Variants in VWA1 observed in about 807,000 individuals in gnomAD.
VWA1 encodes von Willebrand factor A domain-containing protein 1.
In VWA1, 12 loss-of-function variants were observed where a neutral mutation model predicts 14.9. The observed-to-expected ratio is 0.80, with a 90% CI of 0.52 to 1.30. VWA1 has a LOEUF of 1.30. Among genes scored for constraint, VWA1 ranks in the 50% most tolerant of loss-of-function variants. The pLI is 0.00. For missense variants in VWA1, 800 were observed against 649.1 expected (o/e 1.23, Z -2.53); for synonymous variants, 368 against 310.7 (o/e 1.18, Z -1.94).
Position 1,439,372 on chromosome 1 carries a change from CG to C in VWA1, c.928del (p.Ala310LeufsTer41), listed in dbSNP as rs1557770332. On this transcript the variant is annotated frameshift_variant, in exon 3 of 3. Coordinates refer to ENST00000476993, the MANE Select transcript of VWA1 (RefSeq NM_022834.5). LOFTEE classifies it low-confidence loss of function (END_TRUNC). Reference sequence around the variant, plus strand: ...CGCACGCGGCCCGGTGAGGCAGGGCCGGGGGCTTCGGGCCCGGAGTCGGGGG... The same window carrying C: ...CGCACGCGGCCCGGTGAGGCAGGGCCGGGGCTTCGGGCCCGGAGTCGGGGG... ...RVRTRPGEAG[P>X]GASGPESGAG... The C allele has an allele frequency of 2.7e-6, 4 of 1,507,738 alleles. No homozygotes were observed. The highest frequency in any genetic ancestry group is 2.1e-5 in the Admixed American group (1 of 47,138). 93.4% of individuals were successfully genotyped at this position (1,507,738 alleles called of 1,614,324 possible).
In VWA1 at chr1:1,437,491, G is replaced by C. The variant is rs758946803; in HGVS notation, c.631+7G>C. The C allele has an allele frequency of 6.3e-7, 1 of 1,594,548 alleles. No individual in the cohort carries two copies. Among genetic ancestry groups the C allele is most frequent in the Non-Finnish European group, 8.6e-7 (1 of 1,167,592 alleles). ...CTGAGGGGCTCCATTCTCGGTATGC[G>C]GGAGGAGGCAGGGCCCAGGGAGCCC... On this transcript the variant is annotated splice_region_variant and intron_variant, in intron 2 of 2. Coordinates refer to ENST00000476993, the MANE Select transcript of VWA1 (RefSeq NM_022834.5).
intron 1 of VWA1, among the ~76,000 whole-genome samples, chr1:1,436,281 G>T (rs1167240622): frequency 2.0e-5 from 3 of 152,178 alleles, no homozygotes; most frequent in Non-Finnish European, 4.4e-5. Flanking sequence ...CCTCCACCCC[G>T]GAGGTGCCCG....
intron 2 of VWA1, 25 bp from the exon 3 acceptor site, chr1:1,439,055 TC>T: frequency 6.3e-7 from 1 of 1,591,696 alleles, no homozygotes; most frequent in Non-Finnish European, 8.5e-7. Context: ...TGACCGCTGT[TC>T]CCTGACCCCC....
Position 1,436,932 on chromosome 1 carries a change from C to T in VWA1, c.79C>T (p.Pro27Ser), listed in dbSNP as rs1374972311. Reference sequence around the variant, plus strand: ...GCATTCCTCCTTTCCCCCAGGTCCACCAGCATCAGCCCCCCGAGGGGACCT... The same window carrying T: ...GCATTCCTCCTTTCCCCCAGGTCCATCAGCATCAGCCCCCCGAGGGGACCT... ...LARSGAERGP[P>S]ASAPRGDLMF... Residue 27 changes from proline (P) to serine (S), a missense_variant, in exon 2 of 3, where the codon CCA becomes TCA. Transcript: ENST00000476993. 6.3e-7 allele frequency: 1 copy of T among 1,587,638 alleles called. No individual in the cohort carries two copies. Among genetic ancestry groups the T allele is most frequent in the Non-Finnish European group, 8.6e-7 (1 of 1,164,396 alleles).
intron 1 of VWA1, among the ~76,000 whole-genome samples, chr1:1,436,191 G>A (rs1570120412): frequency 1.3e-5 from 2 of 152,336 alleles, no homozygotes; most frequent in East Asian, 3.9e-4. Context: ...CCGCACTGGG[G>A]AAAACCGCAA....
chr1:1,437,111 C>T lies in VWA1; in HGVS notation c.258C>T (p.Phe86=), dbSNP rs1638561595. Reference sequence around the variant, plus strand: ...TGGGCAGTCGGCCATACACCGAGTTCCCCTTCGGCCAGCACAGCTCGGGTG... The same window carrying T: ...TGGGCAGTCGGCCATACACCGAGTTTCCCTTCGGCCAGCACAGCTCGGGTG... ...VHVGSRPYTE[F]PFGQHSSGEA... The change falls in exon 2 of 3, where the codon TTC becomes TTT. Residue 86 remains phenylalanine, a synonymous_variant. Transcript: ENST00000476993. The T allele has an allele frequency of 6.2e-7, 1 of 1,604,748 alleles. No individual in the cohort carries two copies. The highest frequency in any genetic ancestry group is 8.5e-7 in the Non-Finnish European group (1 of 1,174,180).
chr1:1,435,718 G>T lies in VWA1; in HGVS notation c.-31G>T, dbSNP rs1327926787. 7 of 1,192,936 alleles carry T rather than the reference G, an allele frequency of 5.9e-6. No homozygotes were observed. Among genetic ancestry groups the T allele is most frequent in the African/African-American group, 1.6e-5 (1 of 61,206 alleles). The allele number at this position is 1,192,936 out of a possible 1,614,324, so 73.9% of individuals were successfully genotyped here. On this transcript the variant is annotated 5_prime_UTR_variant, in exon 1 of 3. Coordinates refer to ENST00000476993, the MANE Select transcript of VWA1 (RefSeq NM_022834.5). The stretch of plus-strand genomic sequence containing the variant: ...CCCGAGCGAGCGAGCGAGCGAGCGA[G>T]TTGCCGAGCGCGCCCCGTCCCTCGC...
rs140319325 is a variant in VWA1, at chr1:1,437,288, C to T, written c.435C>T (p.Gly145=). 1,813 of 1,609,744 alleles carry T rather than the reference C, an allele frequency of 1.1e-3. 26 individuals carry two copies. The East Asian group carries it at 0.039, about 34-fold the overall frequency. The part of the protein sequence containing the change: ...VPKVLVWVTD[G]GSSDPVGPPM... ...AAGTGCTGGTGTGGGTGACAGATGG[C>T]GGCTCCAGCGACCCTGTGGGCCCCC... Residue 145 remains glycine, a synonymous_variant, in exon 2 of 3, where the codon GGC becomes GGT. Transcript: ENST00000476993.
At chr1:1,437,776 G>A (rs1377145487) in intron 2 of VWA1, among the ~76,000 whole-genome samples, 1 of 152,184 alleles carries the variant, frequency 6.6e-6, no homozygotes, top group East Asian at 1.9e-4. Context: ...GCAGAGCCCG[G>A]GTGTAGGCCC....
rs999508868 is a variant in VWA1 at position 1,439,602 on chromosome 1, C to A, written c.1153C>A (p.Arg385Ser). 6 of 1,300,368 alleles carry A rather than the reference C, an allele frequency of 4.6e-6. No homozygotes were observed. In the African/African-American group the frequency reaches 9.7e-5, roughly 21 times the overall value. The allele number at this position is 1,300,368 out of a possible 1,614,324, so 80.6% of individuals were successfully genotyped here. A position where few individuals can be genotyped will look rare whatever the true frequency, so the allele number is the denominator to read the frequency against. The change falls in exon 3 of 3, where the codon CGC (arginine) becomes AGC (serine). Residue 385 changes from arginine to serine, a missense_variant. Arg to Ser is a moderately radical substitution (Grantham distance 110). Transcript: ENST00000476993. The stretch of plus-strand genomic sequence containing the variant: ...GCAGCGGGTGGAGGTGCCCGCGGGC[C>A]GCAACTGCACCACGCTGCAGGGCCT... ...EAQRVEVPAG[R>S]NCTTLQGLAP...
At chr1:1,436,055 C>G in intron 1 of VWA1, among the ~76,000 whole-genome samples, 1 of 151,516 alleles carries the variant, frequency 6.6e-6, no homozygotes, top group South Asian at 2.1e-4. Context: ...CGGCCCGCAT[C>G]TCTGCGGGAT....
chr1:1,436,765 G>T (rs773206213), intron 1 of VWA1, 162 bp from the exon 2 acceptor site: 1 of 688,766 alleles, frequency 1.5e-6, no homozygotes, highest in Non-Finnish European at 2.4e-6. Context: ...ACCCCCAAAA[G>T]TACAGGCCTC....
intron 2 of VWA1, among the ~76,000 whole-genome samples, chr1:1,438,771 C>A (rs1259931367): frequency 6.6e-6 from 1 of 152,160 alleles, no homozygotes; most frequent in Non-Finnish European, 1.5e-5. Flanking sequence ...TCTTTGAGGA[C>A]CTTTGTCCTG....
intron 1 of VWA1, among the ~76,000 whole-genome samples, chr1:1,436,182 C>T (rs1393963219): frequency 1.3e-5 from 2 of 152,320 alleles, no homozygotes; most frequent in African/African-American, 4.8e-5. Context: ...GTCGCCCCAC[C>T]GCACTGGGGA....
In VWA1 at chr1:1,437,151, G is replaced by A. The variant is rs753157202; in HGVS notation, c.298G>A (p.Ala100Thr). 2 of 1,607,912 alleles carry A rather than the reference G, an allele frequency of 1.2e-6. No homozygotes were observed. Among genetic ancestry groups the A allele is most frequent in the South Asian group, 2.2e-5 (2 of 90,774 alleles). ...QHSSGEAAQD[A>T]VRASAQRMGD... The stretch of plus-strand genomic sequence containing the variant: ...CAGCTCGGGTGAGGCTGCCCAGGAT[G>A]CGGTGCGTGCTTCTGCCCAGCGCAT... The change falls in exon 2 of 3, where the codon GCG (alanine) becomes ACG (threonine). Residue 100 changes from alanine (A) to threonine (T), a missense_variant. Physicochemically the swap from Ala to Thr is moderately conservative, Grantham distance 58. Transcript: ENST00000476993.
chr1:1,438,637 C>T (rs1221164650), intron 2 of VWA1, among the ~76,000 whole-genome samples: 5 of 152,196 alleles, frequency 3.3e-5, no homozygotes, highest in Admixed American at 1.3e-4. Flanking sequence ...AACCCCAGGG[C>T]CTGCCCCTGT....
Position 1,437,341 on chromosome 1 carries a change from T to G in VWA1, c.488T>G (p.Val163Gly), listed in dbSNP as rs751404804. Residue 163 changes from valine to glycine, a missense_variant, in exon 2 of 3, where the codon GTC (valine) becomes GGC (glycine). Val to Gly is a moderately radical substitution (Grantham distance 109). Coordinates refer to ENST00000476993, the MANE Select transcript of VWA1 (RefSeq NM_022834.5). ...PPMQELKDLG[V>G]TVFIVSTGRG... ...ATGCAGGAGCTCAAGGACCTGGGCG[T>G]CACCGTGTTCATTGTCAGCACCGGC... The G allele has an allele frequency of 6.2e-7, 1 of 1,612,548 alleles. No individual in the cohort carries two copies. The highest frequency in any genetic ancestry group is 8.5e-7 in the Non-Finnish European group (1 of 1,179,890).
chr1:1,438,581 C>T (rs1638592828), intron 2 of VWA1, among the ~76,000 whole-genome samples: 1 of 152,106 alleles, frequency 6.6e-6, no homozygotes, highest in African/African-American at 2.4e-5. Flanking sequence ...TCTGGAGAAC[C>T]CCACCCCACA....
In VWA1 at chr1:1,437,370, G is replaced by A. The variant is rs138662386; in HGVS notation, c.517G>A (p.Gly173Ser). The A allele has an allele frequency of 8.7e-6, 14 of 1,612,870 alleles. No homozygotes were observed. The African/African-American group carries it at 1.7e-4, about 20-fold the overall frequency. ...CGTGTTCATTGTCAGCACCGGCCGA[G>A]GCAACTTCCTGGAGCTGTCAGCCGC... is the stretch of plus-strand genomic sequence containing the variant. ...VTVFIVSTGRGNFLELSAAAS... is the reference protein window; with the variant it reads ...VTVFIVSTGRSNFLELSAAAS... Residue 173 changes from glycine (G) to serine (S), a missense_variant, in exon 2 of 3, where the codon GGC becomes AGC. Gly to Ser is a moderately conservative substitution (Grantham distance 56). Transcript: ENST00000476993.
Sources: gnomAD v4.1 joint callset for allele counts (sites outside exome capture counted in the v4.1 genomes callset) on GRCh38, gnomAD v4.1.1 for gene constraint, MANE v1.5 for transcripts, NCBI Gene and HGNC (gene_info 2026-07-23, HGNC 2026-07-21) for gene names.